RYR2: variants seen among roughly 807,000 people sequenced by gnomAD.
The protein encoded by RYR2 is ryanodine receptor 2, also known as cardiac muscle ryanodine receptor-calcium release channel.
Under a neutral mutation model 601.1 loss-of-function variants are expected in RYR2, and 227 were observed. That is an observed-to-expected ratio of 0.38 (90% CI 0.34 to 0.42). The LOEUF is 0.42. Among genes scored for constraint, RYR2 ranks in the 10% least tolerant of loss-of-function variants. The probability of loss-of-function intolerance (pLI) is 1.00; values close to 1 mark genes in which losing one functional copy is unlikely to be tolerated. For missense variants in RYR2, 4,646 were observed against 6,156.5 expected (o/e 0.75, Z 8.21); for synonymous variants, 2,223 against 2,175.1 (o/e 1.02, Z -0.61).
chr1:237,042,206 C>G lies in RYR2; in HGVS notation c.-316C>G, dbSNP rs867370013. On this transcript the variant is annotated 5_prime_UTR_variant, in exon 1 of 105. Coordinates refer to ENST00000366574, the MANE Select transcript of RYR2 (RefSeq NM_001035.3). The stretch of plus-strand genomic sequence containing the variant: ...CGCACTTGCTCGGAGGAGCCGGGGC[C>G]GAGCGGACCGCCGGCTGCAGGCAGC... 6.2e-6 allele frequency: 1 copy of G among 160,096 alleles called. No homozygotes were observed. 9.9% of individuals were successfully genotyped at this position (160,096 alleles called of 1,614,324 possible).
intron 1 of RYR2, among the ~76,000 whole-genome samples, chr1:237,102,937 G>A (rs1250433732): frequency 1.3e-5 from 2 of 152,022 alleles, no homozygotes; most frequent in Non-Finnish European, 2.9e-5. Flanking sequence ...CATTTAAAAC[G>A]ATACAGTTCA....
chr1:237,483,907 A>G (rs1214096622), intron 17 of RYR2, among the ~76,000 whole-genome samples: 1 of 152,210 alleles, frequency 6.6e-6, no homozygotes, highest in Non-Finnish European at 1.5e-5. Context: ...TCCCCAAACA[A>G]ATACCTGTGG....
chr1:237,791,486 G>A lies in RYR2; in HGVS notation c.13534G>A (p.Ala4512Thr). ...MRMLALFVAF[A>T]INFILLFYKV... ...AATGTTAGCCTTATTTGTCGCATTT[G>A]CTATCAATTTCATCTTGCTCTTTTA... The change falls in exon 93 of 105, where the codon GCT becomes ACT. Residue 4512 changes from alanine to threonine, a missense_variant. Physicochemically the swap from Ala to Thr is moderately conservative, Grantham distance 58. Transcript: ENST00000366574. 1 of 1,568,996 alleles carries A rather than the reference G, an allele frequency of 6.4e-7. No individual in the cohort carries two copies. Among genetic ancestry groups the A allele is most frequent in the East Asian group, 2.3e-5 (1 of 43,868 alleles).
chr1:237,438,858 A>G (rs1558819020), intron 12 of RYR2, among the ~76,000 whole-genome samples: 1 of 152,228 alleles, frequency 6.6e-6, no homozygotes, highest in Non-Finnish European at 1.5e-5. Flanking sequence ...TTTTGGTCCA[A>G]GTGCCTTTAA....
At chr1:237,285,538 T>C (rs944887565) in intron 2 of RYR2, among the ~76,000 whole-genome samples, 4 of 152,220 alleles carry the variant, frequency 2.6e-5, no homozygotes, top group Non-Finnish European at 4.4e-5. Context: ...ACTGGCTTCA[T>C]AGAATGAATT....
chr1:237,359,563 G>T (rs1699595123), intron 4 of RYR2, among the ~76,000 whole-genome samples: 1 of 152,146 alleles, frequency 6.6e-6, no homozygotes, highest in South Asian at 2.1e-4. Flanking sequence ...AATGGCTTCT[G>T]TATAAATCTT....
At chr1:237,660,779 T>C (rs1300547170) in intron 55 of RYR2, 31 bp from the exon 56 acceptor site, 1 of 1,523,260 alleles carries the variant, frequency 6.6e-7, no homozygotes, top group South Asian at 1.2e-5. Flanking sequence ...ATTCATAATA[T>C]ATCTGTTGTT....
chr1:237,308,002 T>C (rs1694060307), intron 2 of RYR2, among the ~76,000 whole-genome samples: 1 of 151,140 alleles, frequency 6.6e-6, no homozygotes, highest in Non-Finnish European at 1.5e-5. Flanking sequence ...GGCCGGGACT[T>C]GCTGAGACTC....
At chr1:237,254,349 TAGAG>T in intron 1 of RYR2, among the ~76,000 whole-genome samples, 1 of 152,342 alleles carries the variant, frequency 6.6e-6, no homozygotes, top group African/African-American at 2.4e-5. Context: ...AGATTTTGGA[TAGAG>T]AGATTTAGGT....
intron 101 of RYR2, among the ~76,000 whole-genome samples, chr1:237,828,134 G>A (rs1042637395): frequency 6.6e-6 from 1 of 152,046 alleles, no homozygotes; most frequent in Admixed American, 6.5e-5. Context: ...GGTTTTTCCT[G>A]CTGTCACTTC....
chr1:237,637,234 A>G (rs1680970461), intron 44 of RYR2, among the ~76,000 whole-genome samples: 11 of 152,154 alleles, frequency 7.2e-5, no homozygotes, highest in Admixed American at 7.2e-4. Context: ...ATTATTATTT[A>G]TATTTGAAAC....
chr1:237,536,885 CA>C (rs540538447), intron 25 of RYR2, among the ~76,000 whole-genome samples: 19 of 139,508 alleles, frequency 1.4e-4, no homozygotes, highest in Admixed American at 2.1e-4. Flanking sequence ...GACTCCATCT[CA>C]AAAAAAAAAG....
chr1:237,091,113 G>A (rs1238157312), intron 1 of RYR2, among the ~76,000 whole-genome samples: 2 of 152,160 alleles, frequency 1.3e-5, no homozygotes, highest in Non-Finnish European at 2.9e-5. Flanking sequence ...GGTTGAATTA[G>A]ATGGTTAACT....
At chr1:237,062,509 G>A (rs1242940269) in intron 1 of RYR2, among the ~76,000 whole-genome samples, 2 of 152,048 alleles carry the variant, frequency 1.3e-5, no homozygotes, top group East Asian at 3.9e-4. Context: ...CAATGCAAAT[G>A]TATCTTTAAA....
At chr1:237,450,956 T>C (rs1319676236) in intron 14 of RYR2, among the ~76,000 whole-genome samples, 1 of 152,202 alleles carries the variant, frequency 6.6e-6, no homozygotes, top group Non-Finnish European at 1.5e-5. Flanking sequence ...ATCCTTTAGT[T>C]GTATTATTTA....
chr1:237,787,718 G>C (rs1573950581), intron 91 of RYR2, among the ~76,000 whole-genome samples: 1 of 151,638 alleles, frequency 6.6e-6, no homozygotes, highest in Non-Finnish European at 1.5e-5. Context: ...GAATTGGAAG[G>C]AATCTGCTAT....
At chr1:237,753,108 G>T (rs1250775652) in intron 80 of RYR2, among the ~76,000 whole-genome samples, 1 of 152,202 alleles carries the variant, frequency 6.6e-6, no homozygotes, top group Non-Finnish European at 1.5e-5. Context: ...GCTGAGGCAG[G>T]TCCTTCAGAA....
At chr1:237,231,433 C>G (rs1489753052) in intron 1 of RYR2, among the ~76,000 whole-genome samples, 1 of 151,742 alleles carries the variant, frequency 6.6e-6, no homozygotes, top group Non-Finnish European at 1.5e-5. Context: ...ATAGCTGGAA[C>G]TACAGGCGCA....
chr1:237,801,468 G>A (rs1286897691), intron 97 of RYR2, among the ~76,000 whole-genome samples: 3 of 151,420 alleles, frequency 2.0e-5, no homozygotes, highest in Non-Finnish European at 4.4e-5. Flanking sequence ...CTTGAACCGG[G>A]GAGGCAGAGA....
Sources: allele counts gnomAD v4.1 joint callset (sites outside exome capture counted in the v4.1 genomes callset), GRCh38; gene constraint gnomAD v4.1.1; transcripts MANE v1.5; gene names NCBI Gene and HGNC (gene_info 2026-07-23, HGNC 2026-07-21).